ACKR3: variants seen among roughly 807,000 people sequenced by gnomAD.
ACKR3 encodes the protein C-X-C chemokine receptor type 7.
In ACKR3, 6 loss-of-function variants were observed where a neutral mutation model predicts 22.4. The ratio of observed to expected loss-of-function variants is 0.27; its 90% CI spans 0.15 to 0.53. ACKR3 has a LOEUF of 0.53. ACKR3 is among the 20% of genes least tolerant of loss of function. The pLI is 0.96. For missense variants in ACKR3, 396 were observed against 475.2 expected (o/e 0.83, Z 1.55); for synonymous variants, 209 against 205.2 (o/e 1.02, Z -0.16).
the ACKR3 span, among the ~76,000 whole-genome samples, chr2:236,548,679 TAGG>T: frequency 3.9e-5 from 6 of 152,134 alleles, no homozygotes; most frequent in Non-Finnish European, 8.8e-5. The surrounding 1 kb of genome is among the most constrained non-coding windows in gnomAD (Gnocchi z 4.3). Context: ...TCATTCAACT[TAGG>T]AGGAGAGCTC....
chr2:236,571,195 A>C (rs1261814226), intron 1 of ACKR3, among the ~76,000 whole-genome samples: 1 of 152,234 alleles, frequency 6.6e-6, no homozygotes, highest in African/African-American at 2.4e-5. Context: ...CTTTCCCCAG[A>C]TGGAAAGTCT....
At chr2:236,537,866 C>T in the ACKR3 span, among the ~76,000 whole-genome samples, 2 of 152,222 alleles carry the variant, frequency 1.3e-5, no homozygotes, top group South Asian at 2.1e-4. Context: ...CTTTCTTTCA[C>T]TAATGCGTAT....
In ACKR3 at chr2:236,574,424, C is replaced by T. The variant is rs988314113; in HGVS notation, c.-27+4500C>T. Among the ~76,000 whole-genome samples, 11 of 152,156 alleles carry T rather than the reference C, an allele frequency of 7.2e-5. No homozygotes were observed. Among genetic ancestry groups the T allele is most frequent in the Middle Eastern group, 3.4e-3 (1 of 292 alleles). ...GTGGAGGGGCAAGAAACCTGAACAA[C>T]GTGATGGTACAAAAGCCATTCCAGA... On this transcript the variant is annotated intron_variant, in intron 1 of 1. Coordinates refer to ENST00000272928, the MANE Select transcript of ACKR3 (RefSeq NM_020311.3). The surrounding 1 kb of genome is among the most constrained non-coding windows in gnomAD (Gnocchi z 5.6).
intron 1 of ACKR3, 107 bp from the exon 2 acceptor site, chr2:236,580,333 C>T (rs1691492151): frequency 1.4e-5 from 17 of 1,191,478 alleles, no homozygotes; most frequent in Non-Finnish European, 2.0e-5. Flanking sequence ...ACCCAAACAG[C>T]TGAGCCTATC....
rs1287423308 is a variant in ACKR3 at position 236,575,547 on chromosome 2, T to C, written c.-26-4893T>C. On this transcript the variant is annotated intron_variant, in intron 1 of 1. Coordinates refer to ENST00000272928, the MANE Select transcript of ACKR3 (RefSeq NM_020311.3). ...CTGTGTGTGCGTGTGTCTGGGGTTG[T>C]GCTGTGTGTGTGTGTGTGTCTGGGG... Among the ~76,000 whole-genome samples, 128 of 127,238 alleles carry C rather than the reference T, an allele frequency of 1.0e-3. 1 individual carries two copies. In the East Asian group the frequency reaches 0.025, roughly 25 times the overall value. 83.5% of individuals were successfully genotyped at this position (127,238 alleles called of 152,430 possible).
At chr2:236,571,618 G>GAAAAAAAAAAAAAAAAAAAAAA (rs397988342) in intron 1 of ACKR3, among the ~76,000 whole-genome samples, 1 of 76,596 alleles carries the variant, frequency 1.3e-5, no homozygotes, top group Non-Finnish European at 2.5e-5. Context: ...CTTTCTGAAT[G>GAAAAAAAAAAAAAAAAAAAAAA]AAAAAAAAAA....
chr2:236,553,591 C>T, the ACKR3 span, among the ~76,000 whole-genome samples: 9 of 152,232 alleles, frequency 5.9e-5, no homozygotes, highest in African/African-American at 9.6e-5. Context: ...GAAGCACCTG[C>T]GTAAAGTCTG....
Position 236,581,528 on chromosome 2 carries a change from T to G in ACKR3, c.1063T>G (p.Ser355Ala), listed in dbSNP as rs770190886. ...DASRVSETEYSALEQSTK is the reference protein window; with the variant it reads ...DASRVSETEYAALEQSTK ...CTCCAGAGTCTCAGAGACGGAGTAC[T>G]CTGCCTTGGAGCAGAGCACCAAATG... The change falls in exon 2 of 2, where the codon TCT becomes GCT. Residue 355 changes from serine (S) to alanine (A), a missense_variant. Physicochemically the swap from Ser to Ala is moderately conservative, Grantham distance 99 (BLOSUM62 1). Transcript: ENST00000272928. The surrounding 1 kb of genome is among the most constrained non-coding windows in gnomAD (Gnocchi z 4.4). The G allele has an allele frequency of 2.5e-6, 4 of 1,614,020 alleles. No homozygotes were observed. In the East Asian group the frequency reaches 6.7e-5, roughly 27 times the overall value.
At chr2:236,557,275 T>A in the ACKR3 span, among the ~76,000 whole-genome samples, 1 of 152,074 alleles carries the variant, frequency 6.6e-6, no homozygotes, top group African/African-American at 2.4e-5. Context: ...TGTGTGTGTG[T>A]GTGTGTGCAT....
chr2:236,538,829 T>C, the ACKR3 span, among the ~76,000 whole-genome samples: 1 of 152,226 alleles, frequency 6.6e-6, no homozygotes, highest in African/African-American at 2.4e-5. Flanking sequence ...GGGATATTCT[T>C]ATCCTAAGAA....
intron 1 of ACKR3, among the ~76,000 whole-genome samples, chr2:236,571,841 AT>A (rs555413538): frequency 1.7e-3 from 254 of 150,164 alleles, no homozygotes; most frequent in Middle Eastern, 3.5e-3. Flanking sequence ...AAAACTTTAG[AT>A]TTTTTTTTTG....
the ACKR3 span, among the ~76,000 whole-genome samples, chr2:236,556,985 G>A: frequency 2.0e-5 from 3 of 152,188 alleles, no homozygotes; most frequent in Non-Finnish European, 4.4e-5. Flanking sequence ...ACTGCACCCG[G>A]CCATTTGTCT....
At chr2:236,543,290 G>A in the ACKR3 span, among the ~76,000 whole-genome samples, 2 of 152,146 alleles carry the variant, frequency 1.3e-5, no homozygotes, top group African/African-American at 2.4e-5. Context: ...GGAGGATGGG[G>A]CTCACGTTTT....
the ACKR3 span, among the ~76,000 whole-genome samples, chr2:236,546,868 A>G: frequency 6.6e-6 from 1 of 152,216 alleles, no homozygotes; most frequent in Admixed American, 6.5e-5. The surrounding 1 kb of genome is among the most constrained non-coding windows in gnomAD (Gnocchi z 4.9). Flanking sequence ...TGTTCTCACT[A>G]TGTTTTGGCT....
the ACKR3 span, among the ~76,000 whole-genome samples, chr2:236,550,014 ACTGT>A: frequency 6.6e-6 from 1 of 152,182 alleles, no homozygotes; most frequent in Non-Finnish European, 1.5e-5. The surrounding 1 kb of genome is among the most constrained non-coding windows in gnomAD (Gnocchi z 4.6). Context: ...TGGGCAGGGC[ACTGT>A]CTGCCCAGGT....
Position 236,580,510 on chromosome 2 carries a change from G to A in ACKR3, c.45G>A (p.Ser15=), listed in dbSNP as rs746509164. The A allele has an allele frequency of 6.8e-6, 11 of 1,614,176 alleles. No homozygotes were observed. The highest frequency in any genetic ancestry group is 1.7e-5 in the Admixed American group (1 of 60,032). ...LFDYSEPGNF[S]DISWPCNSSD... is the part of the protein sequence containing the mutation. ...ACTACTCAGAGCCAGGGAACTTCTCGGACATCAGCTGGCCATGCAACAGCA... is the reference window on the plus strand; with the variant it reads ...ACTACTCAGAGCCAGGGAACTTCTCAGACATCAGCTGGCCATGCAACAGCA... The change falls in exon 2 of 2, where the codon TCG becomes TCA. Residue 15 remains serine, a synonymous_variant. Coordinates refer to ENST00000272928, the MANE Select transcript of ACKR3 (RefSeq NM_020311.3).
At chr2:236,580,172 G>A (rs1258746644) in intron 1 of ACKR3, among the ~76,000 whole-genome samples, 1 of 152,224 alleles carries the variant, frequency 6.6e-6, no homozygotes, top group African/African-American at 2.4e-5. Flanking sequence ...GGTGTCTTGA[G>A]AACACAGCCA....
chr2:236,554,428 T>C, the ACKR3 span, among the ~76,000 whole-genome samples: 2 of 152,232 alleles, frequency 1.3e-5, no homozygotes, highest in Non-Finnish European at 2.9e-5. Context: ...TAAGGAGGGA[T>C]TGGCTAGAAA....
At chr2:236,556,372 A>T in the ACKR3 span, among the ~76,000 whole-genome samples, 1 of 152,082 alleles carries the variant, frequency 6.6e-6, no homozygotes, top group Non-Finnish European at 1.5e-5. Flanking sequence ...ATCGTCCCTT[A>T]TATGGCAAAA....
Sources: gnomAD v4.1 joint callset for allele counts (sites outside exome capture counted in the v4.1 genomes callset) on GRCh38, gnomAD v4.1.1 for gene constraint, Gnocchi (gnomAD v3.1) non-coding constraint, MANE v1.5 for transcripts, NCBI Gene and HGNC (gene_info 2026-07-23, HGNC 2026-07-21) for gene names.